Variants in MRTFA observed in about 807,000 individuals in gnomAD.
The protein encoded by MRTFA is myocardin-related transcription factor A.
MRTFA carries 20 observed loss-of-function variants against 83.5 expected under a neutral mutation model. The observed-to-expected ratio is 0.24, with a 90% confidence interval of 0.17 to 0.35. The LOEUF is 0.35. MRTFA is among the 10% of genes least tolerant of loss of function. MRTFA has a pLI of 1.00. For synonymous variants in MRTFA, 659 were observed against 541.2 expected, an observed-to-expected ratio of 1.22 and a Z score of -3.02; for missense variants, 1,200 against 1,224.7, an observed-to-expected ratio of 0.98 and a Z score of 0.30.
chr22:40,512,355 C>T (rs1337075254), intron 3 of MRTFA, among the ~76,000 whole-genome samples: 1 of 152,234 alleles, frequency 6.6e-6, no homozygotes, highest in Non-Finnish European at 1.5e-5. Context: ...GGTCTTCCAG[C>T]TTCTTCAATT....
Position 40,411,594 on chromosome 22 carries a change from C to T in MRTFA, c.2892G>A (p.Ser964=), listed in dbSNP as rs570445514. Residue 964 remains serine (S), a synonymous_variant, in exon 15 of 15, where the codon TCG becomes TCA. Transcript: ENST00000355630. ...TGGGCTCAGGAACAAAGTGCAATTCCGAGGTGTCCATGGGTGACGGGGGGT... is the reference window on the plus strand; with the variant it reads ...TGGGCTCAGGAACAAAGTGCAATTCTGAGGTGTCCATGGGTGACGGGGGGT... 216 of 1,613,868 alleles carry T rather than the reference C, an allele frequency of 1.3e-4. 2 individuals carry two copies. The South Asian group carries it at 1.9e-3, about 15-fold the overall frequency.
At chr22:40,533,432 A>G (rs565573299) in intron 3 of MRTFA, among the ~76,000 whole-genome samples, 1 of 152,360 alleles carries the variant, frequency 6.6e-6, no homozygotes, top group Non-Finnish European at 1.5e-5. Context: ...CAATGAGAGA[A>G]AAATTAATAA....
chr22:40,426,339 AC>A (rs1569258053), intron 7 of MRTFA, among the ~76,000 whole-genome samples: 1 of 150,060 alleles, frequency 6.7e-6, no homozygotes, highest in Non-Finnish European at 1.5e-5. Flanking sequence ...CATCTCCTTG[AC>A]TCTTTCCTCT....
chr22:40,611,918 T>C (rs1569352112), intron 1 of MRTFA, among the ~76,000 whole-genome samples: 1 of 152,318 alleles, frequency 6.6e-6, no homozygotes, highest in East Asian at 1.9e-4. Flanking sequence ...ACAATTTCTA[T>C]AGCTATACCA....
rs201694198 is a variant in MRTFA, at chr22:40,538,985, C to CTTTTTTTTTTTTTTTTTTTTTT, written c.241+13120_241+13121insAAAAAAAAAAAAAAAAAAAAAA. On this transcript the variant is annotated intron_variant, in intron 3 of 14. Coordinates refer to ENST00000355630, the MANE Select transcript of MRTFA (RefSeq NM_020831.6). ...GACATTATACTGCAGGATACACAGC[C>CTTTTTTTTTTTTTTTTTTTTTT]TTTTGTTTTTTTTTTTTTTTTTTTT... is the stretch of plus-strand genomic sequence containing the variant. 2.8e-5 allele frequency among the ~76,000 whole-genome samples: 3 copies of CTTTTTTTTTTTTTTTTTTTTTT among 106,888 alleles called. 1 individual carries two copies. Among genetic ancestry groups the CTTTTTTTTTTTTTTTTTTTTTT allele is most frequent in the African/African-American group, 7.6e-5 (2 of 26,250 alleles). The allele number at this position is 106,888 out of a possible 152,430, so 70.1% of individuals were successfully genotyped here. A position where few individuals can be genotyped will look rare whatever the true frequency, so the allele number is the denominator to read the frequency against.
At chr22:40,542,426 CTT>C (rs2055306462) in intron 3 of MRTFA, among the ~76,000 whole-genome samples, 1 of 152,132 alleles carries the variant, frequency 6.6e-6, no homozygotes, top group Non-Finnish European at 1.5e-5. Flanking sequence ...TCATCTAACT[CTT>C]TGTTGAGTCT....
chr22:40,506,211 C>A lies in MRTFA; in HGVS notation c.242-42925G>T, dbSNP rs566366166. Among the ~76,000 whole-genome samples, 986 of 152,218 alleles carry A rather than the reference C, an allele frequency of 6.5e-3. 5 individuals are homozygous for A. Among genetic ancestry groups the A allele is most frequent in the Middle Eastern group, 0.01 (3 of 294 alleles). On this transcript the variant is annotated intron_variant, in intron 3 of 14. Transcript: ENST00000355630. The stretch of plus-strand genomic sequence containing the variant: ...ATTGTGCCACTGCACTCCAGCCACT[C>A]CAGCCTGGGCGACAGAGCGAGACTC...
At chr22:40,427,553 G>C in intron 7 of MRTFA, among the ~76,000 whole-genome samples, 1 of 152,272 alleles carries the variant, frequency 6.6e-6, no homozygotes, top group Middle Eastern at 3.4e-3. Flanking sequence ...GTCAGGGATC[G>C]GATCTTGGGC....
chr22:40,520,687 A>G (rs997362289), intron 3 of MRTFA, among the ~76,000 whole-genome samples: 1 of 152,324 alleles, frequency 6.6e-6, no homozygotes, highest in Non-Finnish European at 1.5e-5. Context: ...GATTATAGGC[A>G]TAAGCCACCA....
intron 3 of MRTFA, among the ~76,000 whole-genome samples, chr22:40,479,242 C>A (rs1428300460): frequency 3.3e-5 from 5 of 152,134 alleles, no homozygotes; most frequent in Admixed American, 2.0e-4. Context: ...AAGGAGCAGA[C>A]AAGATGGCGC....
At chr22:40,586,884 AGT>A (rs2056036635) in intron 2 of MRTFA, 6 of 418,870 alleles carry the variant, frequency 1.4e-5, no homozygotes, top group Non-Finnish European at 2.4e-5. Context: ...TTTGGCCTCT[AGT>A]GCTGCTGGTG....
chr22:40,614,233 A>ATAAAT lies in MRTFA; in HGVS notation c.-83-19499_-83-19498insATTTA, dbSNP rs201591331. The stretch of plus-strand genomic sequence containing the variant: ...AATAAATAAATAAATAAATAAATAA[A>ATAAAT]AAATAAAAAAAAATAAAAAAATTTT... On this transcript the variant is annotated intron_variant, in intron 1 of 14. Coordinates refer to ENST00000355630, the MANE Select transcript of MRTFA (RefSeq NM_020831.6). Among the ~76,000 whole-genome samples, 3 of 150,774 alleles carry ATAAAT rather than the reference A, an allele frequency of 2.0e-5. No homozygotes were observed. The East Asian group carries it at 5.8e-4, about 29-fold the overall frequency.
Position 40,459,818 on chromosome 22 carries a change from C to CAT in MRTFA, c.307+3402_307+3403insAT, listed in dbSNP as rs1489036402. Among the ~76,000 whole-genome samples the CAT allele has an allele frequency of 1.9e-4, 17 of 90,196 alleles. No homozygotes were observed. The South Asian group carries it at 2.4e-3, about 13-fold the overall frequency. The allele number at this position is 90,196 out of a possible 152,430, so 59.2% of individuals were successfully genotyped here. On this transcript the variant is annotated intron_variant, in intron 4 of 14. Coordinates refer to ENST00000355630, the MANE Select transcript of MRTFA (RefSeq NM_020831.6). ...ACACACACACACACACACACACACA[C>CAT]ACACATATATACATATATATATATA...
intron 4 of MRTFA, among the ~76,000 whole-genome samples, chr22:40,459,141 C>T (rs189853238): frequency 1.4e-4 from 20 of 138,392 alleles, no homozygotes; most frequent in Admixed American, 1.3e-3. Flanking sequence ...AGCAGGATGA[C>T]GGGGTGTTGG....
intron 5 of MRTFA, among the ~76,000 whole-genome samples, chr22:40,434,114 G>C (rs952922398): frequency 6.6e-6 from 1 of 152,204 alleles, no homozygotes; most frequent in Non-Finnish European, 1.5e-5. Context: ...ACATAAAGGT[G>C]CTCAATAAAA....
intron 3 of MRTFA, among the ~76,000 whole-genome samples, chr22:40,542,056 G>A (rs1800164602): frequency 6.6e-6 from 1 of 152,204 alleles, no homozygotes; most frequent in Non-Finnish European, 1.5e-5. Context: ...AGGCTGCAGT[G>A]CAGTGGCACG....
chr22:40,604,423 C>CCCG (rs539868732), intron 1 of MRTFA, among the ~76,000 whole-genome samples: 85 of 151,862 alleles, frequency 5.6e-4, no homozygotes, highest in African/African-American at 1.9e-3. Context: ...AGCCACCGTA[C>CCCG]CCGGCCCTAA....
In MRTFA at chr22:40,423,576, G is replaced by C; in HGVS notation, c.887C>G (p.Thr296Ser). The change falls in exon 9 of 15, where the codon ACC (threonine) becomes AGC (serine). Residue 296 changes from threonine to serine, a missense_variant. This residue lies in a region of MRTFA where 1,107 missense variants were observed against 1,041.8 expected (regional missense o/e 1.06). Transcript: ENST00000355630. ...GGTGGACTTGGCAGTGGGGATAGTG[G>C]TTCCATTGGTGAGGCTGGGAGGCAG... The C allele has an allele frequency of 6.3e-7, 1 of 1,589,884 alleles. No individual in the cohort carries two copies. The highest frequency in any genetic ancestry group is 1.1e-5 in the South Asian group (1 of 87,464).
intron 2 of MRTFA, among the ~76,000 whole-genome samples, chr22:40,562,555 G>A (rs896932662): frequency 3.7e-5 from 5 of 135,410 alleles, no homozygotes; most frequent in African/African-American, 1.1e-4. Flanking sequence ...AAAGAAAAAC[G>A]GAAGGGAAGG....
Sources: gnomAD v4.1 joint callset for allele counts (sites outside exome capture counted in the v4.1 genomes callset) on GRCh38, gnomAD v4.1.1 for gene constraint, gnomAD v4.1.1 regional missense constraint, MANE v1.5 for transcripts, NCBI Gene and HGNC (gene_info 2026-07-23, HGNC 2026-07-21) for gene names.